Variants in RANBP2 observed in about 807,000 individuals in gnomAD.
The protein encoded by RANBP2 is E3 SUMO-protein ligase RanBP2.
A neutral mutation model predicts 303.6 loss-of-function variants in RANBP2; 57 were observed. The observed-to-expected ratio is 0.19, with a 90% CI of 0.15 to 0.23. The LOEUF (loss-of-function observed/expected upper bound fraction) is 0.23. RANBP2 is among the 10% of genes least tolerant of loss of function. The pLI, the probability that RANBP2 is intolerant of heterozygous loss-of-function variation, is 1.00. For missense variants in RANBP2, 3,138 were observed against 3,780.8 expected (o/e 0.83, Z 4.46); for synonymous variants, 1,167 against 1,301.5 (o/e 0.90, Z 2.23).
At chr2:109,611,178 A>T in the RANBP2 span, among the ~76,000 whole-genome samples, 1 of 152,218 alleles carries the variant, frequency 6.6e-6, no homozygotes, top group Non-Finnish European at 1.5e-5. Context: ...CCTAACAGAA[A>T]AATTAACTCA....
the RANBP2 span, among the ~76,000 whole-genome samples, chr2:109,349,464 A>T: frequency 3.9e-5 from 6 of 152,132 alleles, no homozygotes. Flanking sequence ...ATTTTTAGGC[A>T]CACAGAAACC....
At chr2:109,098,506 G>A in the RANBP2 span, among the ~76,000 whole-genome samples, 1 of 152,146 alleles carries the variant, frequency 6.6e-6, no homozygotes, top group Non-Finnish European at 1.5e-5. Flanking sequence ...CTATTGTCCT[G>A]ACTCCCTGTT....
the RANBP2 span, among the ~76,000 whole-genome samples, chr2:109,302,776 G>A: frequency 0.27 from 41,652 of 152,014 alleles, 7,460 homozygotes; most frequent in African/African-American, 0.51. Flanking sequence ...GCCTCTCGGA[G>A]GCTGAAATAA....
the RANBP2 span, chr2:109,348,031 G>A: frequency 6.7e-7 from 1 of 1,488,584 alleles, no homozygotes; most frequent in African/African-American, 1.4e-5. Flanking sequence ...CAGACCTATA[G>A]CCAGACAGTC....
chr2:109,614,819 C>T, the RANBP2 span: 4 of 1,452,808 alleles, frequency 2.8e-6, no homozygotes, highest in Non-Finnish European at 3.6e-6. Context: ...ACGGCCCTGC[C>T]GGGCCCGAGG....
the RANBP2 span, among the ~76,000 whole-genome samples, chr2:109,649,600 G>T: frequency 6.6e-6 from 1 of 152,070 alleles, no homozygotes; most frequent in Admixed American, 6.6e-5. Context: ...GTTTCACCAT[G>T]TTAGCCAGAC....
chr2:108,784,107 T>C lies in RANBP2; in HGVS notation c.*206T>C. ...AATAAAAGTTTAAACACTGGTGTAT[T>C]TCAGGTGTACTTGTGTTTATGTACT... On this transcript the variant is annotated 3_prime_UTR_variant, in exon 29 of 29. Coordinates refer to ENST00000283195, the MANE Select transcript of RANBP2 (RefSeq NM_006267.5). The C allele has an allele frequency of 1.8e-6, 1 of 556,620 alleles. No individual in the cohort carries two copies. The allele number at this position is 556,620 out of a possible 1,614,324, so 34.5% of individuals were successfully genotyped here.
the RANBP2 span, among the ~76,000 whole-genome samples, chr2:109,378,431 C>T: frequency 2.0e-5 from 3 of 152,202 alleles, no homozygotes; most frequent in Admixed American, 6.5e-5. Context: ...TGGAACACCT[C>T]CGACTCTTAA....
chr2:109,224,963 C>G, the RANBP2 span, among the ~76,000 whole-genome samples: 4 of 152,138 alleles, frequency 2.6e-5, no homozygotes, highest in Non-Finnish European at 4.4e-5. Flanking sequence ...GCAGCATAAC[C>G]TTATCTTTTT....
the RANBP2 span, among the ~76,000 whole-genome samples, chr2:109,760,687 T>C: frequency 0.013 from 1,855 of 141,968 alleles, 14 homozygotes; most frequent in East Asian, 0.032. Flanking sequence ...GCGGCGGCGG[T>C]AGCGGCGGCG....
the RANBP2 span, among the ~76,000 whole-genome samples, chr2:109,684,280 C>T: frequency 3.2e-5 from 4 of 125,684 alleles, no homozygotes; most frequent in Admixed American, 1.9e-4. Context: ...CTCCCTCTGT[C>T]GCCCAGGCTG....
At chr2:109,706,900 C>T in the RANBP2 span, among the ~76,000 whole-genome samples, 2 of 152,126 alleles carry the variant, frequency 1.3e-5, no homozygotes, top group African/African-American at 4.8e-5. Flanking sequence ...ATGCGAGTCC[C>T]CTAGAGGTGC....
chr2:109,571,927 TGGTTG>T, the RANBP2 span, among the ~76,000 whole-genome samples: 1 of 152,314 alleles, frequency 6.6e-6, no homozygotes, highest in South Asian at 2.1e-4. Context: ...GACTCAAAGG[TGGTTG>T]GGTTGGCCAG....
chr2:109,183,068 G>T, the RANBP2 span, among the ~76,000 whole-genome samples: 1 of 152,254 alleles, frequency 6.6e-6, no homozygotes, highest in East Asian at 1.9e-4. Context: ...AAGCCACAAT[G>T]ACTAATTTAT....
the RANBP2 span, among the ~76,000 whole-genome samples, chr2:108,904,535 A>G: frequency 6.6e-6 from 1 of 152,084 alleles, no homozygotes; most frequent in Non-Finnish European, 1.5e-5. Flanking sequence ...ACCTTTATTC[A>G]TAATAGCCGT....
chr2:109,570,776 C>G, the RANBP2 span, among the ~76,000 whole-genome samples: 4 of 152,118 alleles, frequency 2.6e-5, no homozygotes, highest in Admixed American at 6.6e-5. Context: ...CCTGCCTTGG[C>G]CTCTGAAAGT....
At chr2:109,015,436 T>C in the RANBP2 span, among the ~76,000 whole-genome samples, 1 of 152,110 alleles carries the variant, frequency 6.6e-6, no homozygotes, top group Non-Finnish European at 1.5e-5. Context: ...CAGTAACATG[T>C]TCTTTTCTCT....
the RANBP2 span, among the ~76,000 whole-genome samples, chr2:109,065,601 G>T: frequency 6.6e-6 from 1 of 152,340 alleles, no homozygotes; most frequent in East Asian, 1.9e-4. Context: ...ACTCAGCCTG[G>T]AAAGGAGGCG....
downstream of RANBP2, among the ~76,000 whole-genome samples, chr2:108,787,445 T>C (rs1457309948): frequency 6.6e-6 from 1 of 152,212 alleles, no homozygotes; most frequent in Non-Finnish European, 1.5e-5. Flanking sequence ...TACCTCTGAA[T>C]AGAAATAACT....
Sources: gnomAD v4.1 joint callset for allele counts (sites outside exome capture counted in the v4.1 genomes callset) on GRCh38, gnomAD v4.1.1 for gene constraint, MANE v1.5 for transcripts, NCBI Gene and HGNC (gene_info 2026-07-23, HGNC 2026-07-21) for gene names.